Variants in ANKRD52 observed in about 807,000 individuals in gnomAD.
The protein encoded by ANKRD52 is serine/threonine-protein phosphatase 6 regulatory ankyrin repeat subunit C.
A neutral mutation model predicts 116.0 loss-of-function variants in ANKRD52; 7 were observed. The ratio of observed to expected loss-of-function variants is 0.06; its 90% CI spans 0.03 to 0.11. ANKRD52 has a LOEUF of 0.11. Ranked by LOEUF, ANKRD52 falls within the 10% of genes least tolerant of loss-of-function variation. The pLI, the probability that ANKRD52 is intolerant of heterozygous loss-of-function variation, is 1.00. For synonymous variants in ANKRD52, 528 were observed against 578.1 expected (o/e 0.91, Z 1.24); for missense variants, 839 against 1,408.6 (o/e 0.60, Z 6.47).
intron 15 of ANKRD52, among the ~76,000 whole-genome samples, chr12:56,251,805 T>G (rs538574998): frequency 2.0e-5 from 3 of 152,058 alleles, no homozygotes; most frequent in Admixed American, 2.0e-4. Context: ...TTTTGGGTTT[T>G]TTTTTCCCCC....
Position 56,237,862 on chromosome 12 carries a change from G to T in ANKRD52, c.*5280C>A. On this transcript the variant is annotated 3_prime_UTR_variant, in exon 28 of 28. Transcript: ENST00000267116. Reference sequence around the variant, plus strand: ...CCATCCCAAAGCCATGACTACGACAGTTGTACTTGCACCAAAACAGCATAG... The same window carrying T: ...CCATCCCAAAGCCATGACTACGACATTTGTACTTGCACCAAAACAGCATAG... The T allele has an allele frequency of 8.7e-7, 1 of 1,152,344 alleles. No individual in the cohort carries two copies. Among genetic ancestry groups the T allele is most frequent in the Non-Finnish European group, 1.2e-6 (1 of 852,056 alleles). The allele number at this position is 1,152,344 out of a possible 1,614,324, so 71.4% of individuals were successfully genotyped here. A position where few individuals can be genotyped will look rare whatever the true frequency, so the allele number is the denominator to read the frequency against.
Position 56,253,426 on chromosome 12 carries a change from A to G in ANKRD52, c.986-24T>C. The G allele has an allele frequency of 1.3e-6, 2 of 1,579,846 alleles. No individual in the cohort carries two copies. Among genetic ancestry groups the G allele is most frequent in the Non-Finnish European group, 1.7e-6 (2 of 1,149,810 alleles). ...GCCTGTGAGGGGATGCACACACACA[A>G]GCTCAGGCAGACCTCAGGCTTAAGA... On this transcript the variant is annotated intron_variant, in intron 9 of 27. Coordinates refer to ENST00000267116, the MANE Select transcript of ANKRD52 (RefSeq NM_173595.4). This position sits in a 1 kb window ranked among gnomAD's most constrained non-coding sequence, Gnocchi z 5.5.
At position 56,243,766 on chromosome 12, in the gene ANKRD52, G is replaced by A. The variant is rs184473676; in HGVS notation, c.2980+19C>T. The stretch of plus-strand genomic sequence containing the variant: ...GACCCCAAACCCAAGAGAGGCATGG[G>A]GCCCCAGACCCCACCCACCTTCTTC... On this transcript the variant is annotated intron_variant, in intron 27 of 27. Coordinates refer to ENST00000267116, the MANE Select transcript of ANKRD52 (RefSeq NM_173595.4). This position sits in a 1 kb window ranked among gnomAD's most constrained non-coding sequence, Gnocchi z 4.6. 304 of 1,551,790 alleles carry A rather than the reference G, an allele frequency of 2.0e-4. 1 individual carries two copies. The Middle Eastern group carries it at 6.0e-3, about 31-fold the overall frequency.
rs1489622131 is a variant in ANKRD52, at chr12:56,253,452, C to T, written c.986-50G>A. 1 of 1,443,894 alleles carries T rather than the reference C, an allele frequency of 6.9e-7. No homozygotes were observed. The highest frequency in any genetic ancestry group is 1.4e-5 in the African/African-American group (1 of 71,512). The allele number at this position is 1,443,894 out of a possible 1,614,324, so 89.4% of individuals were successfully genotyped here. On this transcript the variant is annotated intron_variant, in intron 9 of 27. Coordinates refer to ENST00000267116, the MANE Select transcript of ANKRD52 (RefSeq NM_173595.4). This position sits in a 1 kb window ranked among gnomAD's most constrained non-coding sequence, Gnocchi z 5.5. ...GCTCAGGCAGACCTCAGGCTTAAGA[C>T]CACTTTCGCGAGCTAGCCATGATTT...
chr12:56,255,929 A>T lies in ANKRD52; in HGVS notation c.317T>A (p.Leu106Gln). ...HSADVNARDK[L>Q]WQTPLHVAAA... ...AGCCACATGCAGTGGTGTCTGCCAC[A>T]GCTTGTCCCGGGCATTCACATCTGC... Residue 106 changes from leucine (L) to glutamine (Q), a missense_variant, in exon 5 of 28, where the codon CTG (leucine) becomes CAG (glutamine). Physicochemically the swap from Leu to Gln is moderately radical, Grantham distance 113. Transcript: ENST00000267116. This position sits in a 1 kb window ranked among gnomAD's most constrained non-coding sequence, Gnocchi z 4.3. 6.3e-7 allele frequency: 1 copy of T among 1,575,576 alleles called. No homozygotes were observed. Among genetic ancestry groups the T allele is most frequent in the East Asian group, 2.3e-5 (1 of 42,954 alleles).
rs1871540541 is a variant in ANKRD52 at position 56,248,689 on chromosome 12, A to G, written c.1704+70T>C. ...AAAGACCACATTTGATTGAACCCTTAGTTTTGGAATCCACAAACCCTGTGC... is the reference window on the plus strand; with the variant it reads ...AAAGACCACATTTGATTGAACCCTTGGTTTTGGAATCCACAAACCCTGTGC... On this transcript the variant is annotated intron_variant, in intron 16 of 27. Coordinates refer to ENST00000267116, the MANE Select transcript of ANKRD52 (RefSeq NM_173595.4). The surrounding 1 kb of genome is among the most constrained non-coding windows in gnomAD (Gnocchi z 5.1). 1 of 1,499,136 alleles carries G rather than the reference A, an allele frequency of 6.7e-7. No homozygotes were observed. Among genetic ancestry groups the G allele is most frequent in the Non-Finnish European group, 9.1e-7 (1 of 1,095,996 alleles). The allele number at this position is 1,499,136 out of a possible 1,614,324, so 92.9% of individuals were successfully genotyped here. A position where few individuals can be genotyped will look rare whatever the true frequency, so the allele number is the denominator to read the frequency against.
At position 56,255,300 on chromosome 12, in the gene ANKRD52, C is replaced by A. The variant is rs1871897226; in HGVS notation, c.463-348G>T. Among the ~76,000 whole-genome samples the A allele has an allele frequency of 6.6e-6, 1 of 151,882 alleles. No homozygotes were observed. The highest frequency in any genetic ancestry group is 1.5e-5 in the Non-Finnish European group (1 of 68,006). ...CCGCCTCCCGGGTTCACGCCATTCT[C>A]CTGCCTCAGTCTCCCGAGTAGCTGG... On this transcript the variant is annotated intron_variant, in intron 5 of 27. Transcript: ENST00000267116. This position sits in a 1 kb window ranked among gnomAD's most constrained non-coding sequence, Gnocchi z 4.3.
rs1321300463 is a variant in ANKRD52 at position 56,253,760 on chromosome 12, T to C, written c.947A>G (p.His316Arg). The C allele has an allele frequency of 6.2e-7, 1 of 1,613,948 alleles. No individual in the cohort carries two copies. Among genetic ancestry groups the C allele is most frequent in the Non-Finnish European group, 8.5e-7 (1 of 1,179,874 alleles). ...GKSPLHMAAI[H>R]GRFTRSQILI... is the part of the protein sequence containing the mutation. ...GATCTGGGAGCGTGTGAAACGGCCA[T>C]GGATTGCAGCCATGTGCAGAGGACT... Residue 316 changes from histidine (H) to arginine (R), a missense_variant, in exon 9 of 28, where the codon CAT becomes CGT. By Grantham distance (29) the His-to-Arg change is conservative. Coordinates refer to ENST00000267116, the MANE Select transcript of ANKRD52 (RefSeq NM_173595.4). The surrounding 1 kb of genome is among the most constrained non-coding windows in gnomAD (Gnocchi z 5.5).
chr12:56,257,500 G>T, intron 2 of ANKRD52, 139 bp from the exon 3 acceptor site: 1 of 814,930 alleles, frequency 1.2e-6, no homozygotes. Flanking sequence ...TCCCGGTATT[G>T]GGAGTCAAAG....
chr12:56,254,228 G>C lies in ANKRD52; in HGVS notation c.745C>G (p.Leu249Val). 1 of 1,613,958 alleles carries C rather than the reference G, an allele frequency of 6.2e-7. No homozygotes were observed. Among genetic ancestry groups the C allele is most frequent in the East Asian group, 2.2e-5 (1 of 44,882 alleles). The change falls in exon 8 of 28, where the codon CTG becomes GTG. Residue 249 changes from leucine (L) to valine (V), a missense_variant. Transcript: ENST00000267116. This position sits in a 1 kb window ranked among gnomAD's most constrained non-coding sequence, Gnocchi z 4.6. Reference sequence around the variant, plus strand: ...TCAATAGCCACAGCATCCTGGCCCAGGTAGCAGGCGATGTGCAAAGCTGTG... The same window carrying C: ...TCAATAGCCACAGCATCCTGGCCCACGTAGCAGGCGATGTGCAAAGCTGTG... ...GNTALHIACY[L>V]GQDAVAIELV...
Position 56,253,171 on chromosome 12 carries a change from C to T in ANKRD52, c.1101-85G>A. 7.0e-7 allele frequency: 1 copy of T among 1,438,600 alleles called. No homozygotes were observed. Among genetic ancestry groups the T allele is most frequent in the Non-Finnish European group, 9.5e-7 (1 of 1,052,996 alleles). 89.1% of individuals were successfully genotyped at this position (1,438,600 alleles called of 1,614,324 possible). The stretch of plus-strand genomic sequence containing the variant: ...CTGTGACCTACCACCACCCTAGAGT[C>T]AGGGTAGGAGGTTCTCCAAGGTGCC... On this transcript the variant is annotated intron_variant, in intron 10 of 27. Transcript: ENST00000267116. The surrounding 1 kb of genome is among the most constrained non-coding windows in gnomAD (Gnocchi z 5.5).
chr12:56,247,065 G>A (rs898595090), intron 20 of ANKRD52, among the ~76,000 whole-genome samples: 8 of 150,284 alleles, frequency 5.3e-5, no homozygotes, highest in Admixed American at 4.0e-4. Flanking sequence ...TGGGCACAGC[G>A]TGGGTCTGGT....
In ANKRD52 at chr12:56,253,817, GGTTTTT is replaced by G; in HGVS notation, c.907-23_907-18del. 1.2e-6 allele frequency: 2 copies of G among 1,612,900 alleles called. No homozygotes were observed. The highest frequency in any genetic ancestry group is 1.7e-6 in the Non-Finnish European group (2 of 1,179,436). On this transcript the variant is annotated intron_variant, in intron 8 of 27. Transcript: ENST00000267116. This position sits in a 1 kb window ranked among gnomAD's most constrained non-coding sequence, Gnocchi z 5.5. ...TTCTTTGCTCTGTGGAAACATGGTG[GGTTTTT>G]GTTTTTGTTTTTTTTTCCAGTGCAA...
intron 20 of ANKRD52, 110 bp from the exon 21 acceptor site, chr12:56,245,706 G>GTA: frequency 3.4e-5 from 18 of 532,414 alleles, no homozygotes; most frequent in Non-Finnish European, 4.2e-5. Context: ...TCCAATCCTT[G>GTA]TCTTTTTTTT....
intron 15 of ANKRD52, among the ~76,000 whole-genome samples, chr12:56,249,136 A>T (rs191396824): frequency 3.3e-5 from 5 of 152,302 alleles, no homozygotes; most frequent in Admixed American, 3.3e-4. Flanking sequence ...CTAGAGCATG[A>T]TGTTCAGTTA....
rs1332831499 is a variant in ANKRD52, at chr12:56,257,307, T to C, written c.166A>G (p.Ile56Val). Residue 56 changes from isoleucine (I) to valine (V), a missense_variant, in exon 3 of 28, where the codon ATC becomes GTC. Physicochemically the swap from Ile to Val is conservative, Grantham distance 29. Coordinates refer to ENST00000267116, the MANE Select transcript of ANKRD52 (RefSeq NM_173595.4). The stretch of plus-strand genomic sequence containing the variant: ...CCTGACATCAGTAGCAACTGGAGGA[T>C]GGGGACATCGCCTACGTAGGCAGCA... The part of the protein sequence containing the change: ...HAAAYVGDVP[I>V]LQLLLMSGAN... The C allele has an allele frequency of 1.3e-6, 2 of 1,597,844 alleles. No individual in the cohort carries two copies. The highest frequency in any genetic ancestry group is 1.7e-6 in the Non-Finnish European group (2 of 1,172,226).
intron 15 of ANKRD52, among the ~76,000 whole-genome samples, chr12:56,250,800 T>A (rs372494069): frequency 6.6e-6 from 1 of 151,538 alleles, no homozygotes; most frequent in South Asian, 2.1e-4. Flanking sequence ...TCACATAACC[T>A]ATACCTAGTT....
In ANKRD52 at chr12:56,253,133, A is replaced by C; in HGVS notation, c.1101-47T>G. The C allele has an allele frequency of 6.7e-7, 1 of 1,501,264 alleles. No homozygotes were observed. Among genetic ancestry groups the C allele is most frequent in the Non-Finnish European group, 9.0e-7 (1 of 1,112,262 alleles). The allele number at this position is 1,501,264 out of a possible 1,614,324, so 93.0% of individuals were successfully genotyped here. ...CAGTCCTTGGGTCAAGGAGGGACCA[A>C]GTAAGACCTCTTCTGTGACCTACCA... On this transcript the variant is annotated intron_variant, in intron 10 of 27. Coordinates refer to ENST00000267116, the MANE Select transcript of ANKRD52 (RefSeq NM_173595.4). This position sits in a 1 kb window ranked among gnomAD's most constrained non-coding sequence, Gnocchi z 5.5.
In ANKRD52 at chr12:56,254,520, G is replaced by A; in HGVS notation, c.693+58C>T. 3 of 1,593,654 alleles carry A rather than the reference G, an allele frequency of 1.9e-6. No homozygotes were observed. Among genetic ancestry groups the A allele is most frequent in the Non-Finnish European group, 2.6e-6 (3 of 1,170,092 alleles). On this transcript the variant is annotated intron_variant, in intron 7 of 27. Transcript: ENST00000267116. This position sits in a 1 kb window ranked among gnomAD's most constrained non-coding sequence, Gnocchi z 4.6. Reference sequence around the variant, plus strand: ...CCCAATACCTCATATCTCCGTAACAGACTATAATCTCCTACTTGCTGCCCA... The same window carrying A: ...CCCAATACCTCATATCTCCGTAACAAACTATAATCTCCTACTTGCTGCCCA...
Sources: gnomAD v4.1 joint callset for allele counts (sites outside exome capture counted in the v4.1 genomes callset) on GRCh38, gnomAD v4.1.1 for gene constraint, Gnocchi (gnomAD v3.1) non-coding constraint, MANE v1.5 for transcripts, NCBI Gene and HGNC (gene_info 2026-07-23, HGNC 2026-07-21) for gene names.